The following WWOX variants were observed in gnomAD, a reference collection of about 807,000 sequenced individuals.
WWOX encodes the protein WW domain-containing oxidoreductase.
In WWOX, 69 loss-of-function variants were observed where a neutral mutation model predicts 46.2. The observed-to-expected ratio is 1.49, with a 90% CI of 1.23 to 1.82. WWOX has a LOEUF of 1.82. Among genes scored for constraint, WWOX ranks in the 40% most tolerant of loss-of-function variants. The pLI is 0.00. For synonymous variants in WWOX, 359 were observed against 202.6 expected (o/e 1.77, Z -6.56); for missense variants, 919 against 542.6 (o/e 1.69, Z -6.89).
At chr16:78,816,567 C>T (rs1418403992) in intron 8 of WWOX, among the ~76,000 whole-genome samples, 1 of 133,360 alleles carries the variant, frequency 7.5e-6, no homozygotes, top group Non-Finnish European at 1.5e-5. Context: ...TCCACAAAAG[C>T]CTGGCCGTTT....
chr16:79,060,219 C>G (rs909412752), intron 8 of WWOX, among the ~76,000 whole-genome samples: 1 of 152,180 alleles, frequency 6.6e-6, no homozygotes, highest in Non-Finnish European at 1.5e-5. Context: ...TTTCCTTGAA[C>G]TTGGTGAGAT....
rs575681129 is a variant in WWOX at position 78,221,269 on chromosome 16, G to C, written c.516+56980G>C. 1.2e-4 allele frequency among the ~76,000 whole-genome samples: 18 copies of C among 152,226 alleles called. No homozygotes were observed. In the South Asian group the frequency reaches 2.3e-3, roughly 19 times the overall value. Reference sequence around the variant, plus strand: ...TTTATATTTTCTATAATTTCTATTTGTATTGGAGTAAACTGTTCGTTGTAT... The same window carrying C: ...TTTATATTTTCTATAATTTCTATTTCTATTGGAGTAAACTGTTCGTTGTAT... On this transcript the variant is annotated intron_variant, in intron 5 of 8. Coordinates refer to ENST00000566780, the MANE Select transcript of WWOX (RefSeq NM_016373.4).
At chr16:78,389,771 G>T (rs945064687) in intron 6 of WWOX, among the ~76,000 whole-genome samples, 2 of 152,092 alleles carry the variant, frequency 1.3e-5, no homozygotes, top group African/African-American at 2.4e-5. Context: ...TATTTTTTGA[G>T]ACAGGGTCTC....
chr16:78,760,894 A>G (rs748871112), intron 8 of WWOX, among the ~76,000 whole-genome samples: 32 of 152,186 alleles, frequency 2.1e-4, no homozygotes, highest in Non-Finnish European at 3.7e-4. Context: ...ATGGAAGGGG[A>G]AAGGCGCATC....
chr16:79,205,751 G>A (rs1172295156), intron 8 of WWOX: 1 of 152,182 alleles, frequency 6.6e-6, no homozygotes, highest in Non-Finnish European at 1.5e-5. Flanking sequence ...GGCCTTTGTG[G>A]GAGTCAGTTG....
intron 8 of WWOX, among the ~76,000 whole-genome samples, chr16:78,481,635 G>GGA (rs1555547223): frequency 1.6e-5 from 2 of 123,226 alleles, no homozygotes; most frequent in African/African-American, 7.8e-5. Context: ...ATGGAATTGT[G>GGA]AAAAAAAAAA....
chr16:78,968,863 G>A (rs2046414787), intron 8 of WWOX, among the ~76,000 whole-genome samples: 1 of 151,988 alleles, frequency 6.6e-6, no homozygotes, highest in East Asian at 1.9e-4. Flanking sequence ...ACCATAAGAA[G>A]GGACTTGGAA....
At chr16:78,655,650 G>A (rs981619723) in intron 8 of WWOX, among the ~76,000 whole-genome samples, 1 of 152,066 alleles carries the variant, frequency 6.6e-6, no homozygotes. Context: ...GGAATTATAC[G>A]GTCATTTATA....
At chr16:79,032,939 G>T (rs1196503831) in intron 8 of WWOX, among the ~76,000 whole-genome samples, 2 of 151,092 alleles carry the variant, frequency 1.3e-5, no homozygotes, top group African/African-American at 4.9e-5. Flanking sequence ...CCTTTGGTAG[G>T]CCCCAGTGTC....
intron 8 of WWOX, among the ~76,000 whole-genome samples, chr16:78,666,006 C>T (rs1245473276): frequency 6.6e-6 from 1 of 151,748 alleles, no homozygotes; most frequent in East Asian, 2.0e-4. Flanking sequence ...ATGTGGGGGC[C>T]AGGCACAGTG....
intron 8 of WWOX, among the ~76,000 whole-genome samples, chr16:79,108,633 G>A (rs983913705): frequency 5.3e-5 from 8 of 152,176 alleles, no homozygotes; most frequent in African/African-American, 1.7e-4. Flanking sequence ...CGGGCATGGT[G>A]GCTCAAGCCT....
chr16:78,375,901 G>C (rs4888796), intron 5 of WWOX, among the ~76,000 whole-genome samples: 88,221 of 148,530 alleles, frequency 0.59, 27,629 homozygotes, highest in Non-Finnish European at 0.69. Flanking sequence ...GCCCAGGCTC[G>C]AGTGCAGTGG....
At chr16:78,259,440 C>T (rs1052157698) in intron 5 of WWOX, among the ~76,000 whole-genome samples, 3 of 151,854 alleles carry the variant, frequency 2.0e-5, no homozygotes, top group South Asian at 4.1e-4. Flanking sequence ...AATTCTCCTG[C>T]CTCAGTCTGC....
intron 8 of WWOX, among the ~76,000 whole-genome samples, chr16:79,207,526 G>C (rs1200747491): frequency 6.6e-6 from 1 of 152,230 alleles, no homozygotes; most frequent in Non-Finnish European, 1.5e-5. Context: ...AGCATTTGCT[G>C]TGCAATGTCC....
At chr16:78,993,123 A>C (rs2046920762) in intron 8 of WWOX, among the ~76,000 whole-genome samples, 1 of 152,054 alleles carries the variant, frequency 6.6e-6, no homozygotes, top group Non-Finnish European at 1.5e-5. Flanking sequence ...TGTGTGTTTA[A>C]ATTACCAATT....
intron 8 of WWOX, among the ~76,000 whole-genome samples, chr16:78,458,814 G>A (rs1358918091): frequency 3.3e-5 from 5 of 152,158 alleles, no homozygotes; most frequent in African/African-American, 9.6e-5. Context: ...TGTGTGTGTT[G>A]GGGGTGGAAT....
intron 8 of WWOX, among the ~76,000 whole-genome samples, chr16:79,124,150 C>T (rs2049699958): frequency 6.6e-6 from 1 of 152,070 alleles, no homozygotes; most frequent in African/African-American, 2.4e-5. Context: ...GATGGTGCCC[C>T]AGAGGGTGAA....
chr16:79,130,119 G>T (rs1181850270), intron 8 of WWOX, among the ~76,000 whole-genome samples: 3 of 152,190 alleles, frequency 2.0e-5, no homozygotes, highest in African/African-American at 7.2e-5. Context: ...CAGATGAGAT[G>T]TGTAATAGAA....
chr16:78,753,697 G>T (rs2049545103), intron 8 of WWOX, among the ~76,000 whole-genome samples: 1 of 150,050 alleles, frequency 6.7e-6, no homozygotes, highest in South Asian at 2.1e-4. Context: ...AGGTACTCAG[G>T]AGGCTGAGGT....
Sources: allele counts gnomAD v4.1 joint callset (sites outside exome capture counted in the v4.1 genomes callset), GRCh38; gene constraint gnomAD v4.1.1; transcripts MANE v1.5; gene names NCBI Gene and HGNC (gene_info 2026-07-23, HGNC 2026-07-21).